Variants in MUC3A observed in about 807,000 individuals in gnomAD.
MUC3A encodes the protein mucin-3A.
In MUC3A, 109 loss-of-function variants were observed where a neutral mutation model predicts 109.0. The observed-to-expected ratio is 1.00, with a 90% confidence interval of 0.86 to 1.17. The LOEUF is 1.17. Among genes scored for constraint, MUC3A ranks in the 50% most tolerant of loss-of-function variants. The pLI, the probability that MUC3A is intolerant of heterozygous loss-of-function variation, is 0.00. For missense variants in MUC3A, 3,537 were observed against 2,469.4 expected (o/e 1.43, Z -9.16); for synonymous variants, 1,398 against 981.4 (o/e 1.42, Z -7.93).
At position 100,959,534 on chromosome 7, in the gene MUC3A, G is replaced by T; in HGVS notation, c.7755G>T (p.Thr2585=). Residue 2585 remains threonine (T), a synonymous_variant, in exon 2 of 12, where the codon ACG becomes ACT. Coordinates refer to ENST00000379458, the MANE Select transcript of MUC3A (RefSeq NM_005960.2). ...ETPTQTPPVL[T]SATGTQTSPA... ...CAACACAGACCCCTCCTGTACTGAC[G>T]TCAGCCACTGGGACCCAAACATCTC... is the stretch of plus-strand genomic sequence containing the variant. 1 of 1,590,358 alleles carries T rather than the reference G, an allele frequency of 6.3e-7. No homozygotes were observed. The highest frequency in any genetic ancestry group is 8.5e-7 in the Non-Finnish European group (1 of 1,176,202).
chr7:100,966,274 C>A (rs1221956437), intron 8 of MUC3A, 112 bp from the exon 9 acceptor site: 1 of 949,474 alleles, frequency 1.1e-6, no homozygotes, highest in East Asian at 3.8e-5. Context: ...GTGGAACCCC[C>A]CGCTGCCCTA....
At chr7:100,965,030 T>A in intron 6 of MUC3A, 187 bp downstream of exon 6, 1 of 1,119,188 alleles carries the variant, frequency 8.9e-7, no homozygotes, top group South Asian at 1.6e-5. Context: ...GTGACCTCGG[T>A]ACTGGGAAAG....
In MUC3A at chr7:100,960,061, T is replaced by TCCC; in HGVS notation, c.8282_8283insCCC (p.Ile2761_Ser2762insPro). 1 of 1,510,350 alleles carries TCCC rather than the reference T, an allele frequency of 6.6e-7. No homozygotes were observed. Among genetic ancestry groups the TCCC allele is most frequent in the Non-Finnish European group, 8.8e-7 (1 of 1,140,364 alleles). 93.6% of individuals were successfully genotyped at this position (1,510,350 alleles called of 1,614,324 possible). A position where few individuals can be genotyped will look rare whatever the true frequency, so the allele number is the denominator to read the frequency against. ...ACTGAAATAACCCCCTTTTCTTATA[T>TCCC]TTCCCTTCCCTCCACCACACCCTGT... On this transcript the variant is annotated inframe_insertion, in exon 2 of 12. Coordinates refer to ENST00000379458, the MANE Select transcript of MUC3A (RefSeq NM_005960.2).
chr7:100,953,083 C>CTA lies in MUC3A; in HGVS notation c.1304_1305insTA (p.Pro436ThrfsTer5). The CTA allele has an allele frequency of 9.6e-7, 1 of 1,038,832 alleles. No individual in the cohort carries two copies. Among genetic ancestry groups the CTA allele is most frequent in the Admixed American group, 2.1e-5 (1 of 47,884 alleles). 64.4% of individuals were successfully genotyped at this position (1,038,832 alleles called of 1,614,324 possible). A position where few individuals can be genotyped will look rare whatever the true frequency, so the allele number is the denominator to read the frequency against. On this transcript the variant is annotated frameshift_variant, in exon 2 of 12. Coordinates refer to ENST00000379458, the MANE Select transcript of MUC3A (RefSeq NM_005960.2). LOFTEE classifies it high-confidence loss of function. ...ACTATGGTGACTTCCACAACCATGA[C>CTA]CCCATCTTCTCTGAGTACAGACATC...
chr7:100,966,463 G>A lies in MUC3A; in HGVS notation c.9689G>A (p.Gly3230Asp), dbSNP rs1288618285. ...GTCCACTGGAGGGCGCTGGTCGGGG[G>A]CCTGACGGCCGGCGCCGCGCTGCTG... ...VAVHWRALVG[G>D]LTAGAALLVL... The change falls in exon 9 of 12, where the codon GGC becomes GAC. Residue 3230 changes from glycine to aspartate, a missense_variant. Transcript: ENST00000379458. 8.2e-6 allele frequency: 11 copies of A among 1,339,384 alleles called. No homozygotes were observed. The highest frequency in any genetic ancestry group is 1.0e-5 in the Non-Finnish European group (11 of 1,053,396). The allele number at this position is 1,339,384 out of a possible 1,614,324, so 83.0% of individuals were successfully genotyped here.
rs587722778 is a variant in MUC3A, at chr7:100,964,791, G to C, written c.9330G>C (p.Lys3110Asn). The change falls in exon 6 of 12, where the codon AAG (lysine) becomes AAC (asparagine). Residue 3110 changes from lysine (K) to asparagine (N), a missense_variant. Lys to Asn is a moderately conservative substitution (Grantham distance 94). Transcript: ENST00000379458. ...SEYEQVKTTL[K>N]EGLQNASQDV... ...ATGAGCAGGTGAAGACCACGCTGAA[G>C]GAGGGGCTGCAGAACGCCAGCCAGG... 6.3e-7 allele frequency: 1 copy of C among 1,598,242 alleles called. No homozygotes were observed. Among genetic ancestry groups the C allele is most frequent in the Non-Finnish European group, 8.5e-7 (1 of 1,179,552 alleles).
rs1792078209 is a variant in MUC3A, at chr7:100,955,661, C to A, written c.3882C>A (p.Ser1294Arg). 4.4e-6 allele frequency: 2 copies of A among 451,152 alleles called. No individual in the cohort carries two copies. The highest frequency in any genetic ancestry group is 2.0e-5 in the African/African-American group (1 of 49,530). The allele number at this position is 451,152 out of a possible 1,614,324, so 27.9% of individuals were successfully genotyped here. A position where few individuals can be genotyped will look rare whatever the true frequency, so the allele number is the denominator to read the frequency against. ...CATTTTCATCTTCCATGTCTGCCAG[C>A]AGTGCAGGGACCACTCACACAGAGA... is the stretch of plus-strand genomic sequence containing the variant. ...TYSFSSSMSA[S>R]SAGTTHTETI... The change falls in exon 2 of 12, where the codon AGC becomes AGA. Residue 1294 changes from serine to arginine, a missense_variant. Transcript: ENST00000379458.
In MUC3A at chr7:100,957,119, C is replaced by T. The variant is rs1001681410; in HGVS notation, c.5340C>T (p.Thr1780=). The T allele has an allele frequency of 2.2e-6, 1 of 459,456 alleles. No individual in the cohort carries two copies. Among genetic ancestry groups the T allele is most frequent in the Non-Finnish European group, 3.8e-6 (1 of 261,926 alleles). The allele number at this position is 459,456 out of a possible 1,614,324, so 28.5% of individuals were successfully genotyped here. The part of the protein sequence containing the change: ...TYTVTSMTTT[T]PLGPTATNTL... ...CGGTGACTTCGATGACAACTACCAC[C>T]CCTCTAGGGCCCACAGCCACTAATA... The change falls in exon 2 of 12, where the codon ACC becomes ACT. Residue 1780 remains threonine (T), a synonymous_variant. Transcript: ENST00000379458.
chr7:100,965,697 C>A lies in MUC3A; in HGVS notation c.9449-7C>A, dbSNP rs759795288. 5 of 1,595,278 alleles carry A rather than the reference C, an allele frequency of 3.1e-6. No homozygotes were observed. Among genetic ancestry groups the A allele is most frequent in the South Asian group, 1.1e-5 (1 of 90,576 alleles). On this transcript the variant is annotated splice_region_variant and splice_polypyrimidine_tract_variant and intron_variant, in intron 7 of 11. Transcript: ENST00000379458. ...TGTCTCTGTGCATCCCCCTCCCCAA[C>A]CCCCAGCCATCTGCCGCCGCGCCGC...
chr7:100,960,672 C>T (rs1239261862), intron 2 of MUC3A, 27 bp downstream of exon 2: 2 of 1,593,052 alleles, frequency 1.3e-6, no homozygotes, highest in African/African-American at 1.3e-5. Flanking sequence ...CTCTGTTCCC[C>T]TCCTTCCTCC....
intron 10 of MUC3A, 42 bp downstream of exon 10, chr7:100,966,785 G>A (rs1230966594): frequency 6.3e-7 from 1 of 1,598,330 alleles, no homozygotes; most frequent in Admixed American, 1.7e-5. Context: ...GGCTTTCCTG[G>A]GCACCACTGC....
At position 100,959,540 on chromosome 7, in the gene MUC3A, C is replaced by A; in HGVS notation, c.7761C>A (p.Ala2587=). Residue 2587 remains alanine, a synonymous_variant, in exon 2 of 12, where the codon GCC becomes GCA. Transcript: ENST00000379458. ...PTQTPPVLTS[A]TGTQTSPAPT... ...AGACCCCTCCTGTACTGACGTCAGCCACTGGGACCCAAACATCTCCTGCAC... is the reference window on the plus strand; with the variant it reads ...AGACCCCTCCTGTACTGACGTCAGCAACTGGGACCCAAACATCTCCTGCAC... 3 of 1,589,978 alleles carry A rather than the reference C, an allele frequency of 1.9e-6. No individual in the cohort carries two copies. Among genetic ancestry groups the A allele is most frequent in the Non-Finnish European group, 2.6e-6 (3 of 1,175,938 alleles).
rs1792055736 is a variant in MUC3A, at chr7:100,954,663, C to T, written c.2884C>T (p.Pro962Ser). 1.2e-5 allele frequency: 5 copies of T among 400,372 alleles called. No individual in the cohort carries two copies. Among genetic ancestry groups the T allele is most frequent in the Non-Finnish European group, 1.8e-5 (4 of 227,492 alleles). 24.8% of individuals were successfully genotyped at this position (400,372 alleles called of 1,614,324 possible). A position where few individuals can be genotyped will look rare whatever the true frequency, so the allele number is the denominator to read the frequency against. ...TACCACATCCACAATGATGGAACCACCTTCATCCACTGTATCAACTACAGG... is the reference window on the plus strand; with the variant it reads ...TACCACATCCACAATGATGGAACCATCTTCATCCACTGTATCAACTACAGG... ...SFTTSTMMEP[P>S]SSTVSTTGRG... Residue 962 changes from proline to serine, a missense_variant, in exon 2 of 12, where the codon CCT becomes TCT. Coordinates refer to ENST00000379458, the MANE Select transcript of MUC3A (RefSeq NM_005960.2).
Position 100,953,578 on chromosome 7 carries a change from C to T in MUC3A, c.1799C>T (p.Thr600Ile). The change falls in exon 2 of 12, where the codon ACC becomes ATC. Residue 600 changes from threonine (T) to isoleucine (I), a missense_variant. Thr to Ile is a moderately conservative substitution (Grantham distance 89). Coordinates refer to ENST00000379458, the MANE Select transcript of MUC3A (RefSeq NM_005960.2). ...TAATTGTGQT[T>I]FTSSTATFPE... ...GCAACTACAGGAACAGGTCAGACCA[C>T]CTTCACCAGCTCTACAGCCACATTT... 1 of 441,250 alleles carries T rather than the reference C, an allele frequency of 2.3e-6. No individual in the cohort carries two copies. The highest frequency in any genetic ancestry group is 2.0e-5 in the African/African-American group (1 of 49,530). The allele number at this position is 441,250 out of a possible 1,614,324, so 27.3% of individuals were successfully genotyped here. A position where few individuals can be genotyped will look rare whatever the true frequency, so the allele number is the denominator to read the frequency against.
At chr7:100,961,133 C>G in intron 3 of MUC3A, 196 bp downstream of exon 3, 1 of 949,480 alleles carries the variant, frequency 1.1e-6, no homozygotes, top group East Asian at 1.2e-4. Context: ...GTGGCTGGGA[C>G]TACCCTCCCT....
intron 1 of MUC3A, 127 bp from the exon 2 acceptor site, chr7:100,951,714 A>C: frequency 7.1e-7 from 1 of 1,413,544 alleles, no homozygotes; most frequent in Non-Finnish European, 9.5e-7. Flanking sequence ...TGCAGGAGTC[A>C]GCTGTAATAT....
chr7:100,952,392 C>A lies in MUC3A; in HGVS notation c.613C>A (p.Pro205Thr), dbSNP rs971928735. Residue 205 changes from proline to threonine, a missense_variant, in exon 2 of 12, where the codon CCC becomes ACC. By Grantham distance (38) the Pro-to-Thr change is conservative. Transcript: ENST00000379458. ...GGAAACTCCCATAGTGACAGTGACA[C>A]CCTCCTCTGTGTCAGCCACAGACAC... ...ARETPIVTVT[P>T]SSVSATDTTF... 2 of 1,597,184 alleles carry A rather than the reference C, an allele frequency of 1.3e-6. No homozygotes were observed. Among genetic ancestry groups the A allele is most frequent in the Admixed American group, 3.3e-5 (2 of 59,922 alleles).
In MUC3A at chr7:100,949,669, C is replaced by T. The variant is rs1274508427; in HGVS notation, c.45C>T (p.Ala15=). ...TCGGCCTCCTCTGGATGCTCAAGGCCTCCCCGTGGGCCACAGGTAAGGGGG... is the reference window on the plus strand; with the variant it reads ...TCGGCCTCCTCTGGATGCTCAAGGCTTCCCCGTGGGCCACAGGTAAGGGGG... ...GLLGLLWMLK[A]SPWATGTLST... Residue 15 remains alanine (A), a synonymous_variant, in exon 1 of 12, where the codon GCC becomes GCT. Transcript: ENST00000379458. The T allele has an allele frequency of 6.4e-7, 1 of 1,553,522 alleles. No individual in the cohort carries two copies. Among genetic ancestry groups the T allele is most frequent in the South Asian group, 1.2e-5 (1 of 85,388 alleles).
intron 10 of MUC3A, 52 bp downstream of exon 10, chr7:100,966,795 C>A (rs587698605): frequency 1.9e-6 from 3 of 1,598,430 alleles, no homozygotes; most frequent in East Asian, 2.2e-5. Flanking sequence ...GGCACCACTG[C>A]GAGGACAGAC....
Sources: allele counts gnomAD v4.1 joint callset, GRCh38; gene constraint gnomAD v4.1.1; transcripts MANE v1.5; gene names NCBI Gene and HGNC (gene_info 2026-07-23, HGNC 2026-07-21).